The following TPST1 variants were observed in gnomAD, a reference collection of about 807,000 sequenced individuals.
The protein encoded by TPST1 is tyrosylprotein sulfotransferase 1, also known as protein-tyrosine sulfotransferase 1.
Under a neutral mutation model 34.8 loss-of-function variants are expected in TPST1, and 20 were observed. The ratio of observed to expected loss-of-function variants is 0.57; its 90% CI spans 0.40 to 0.84. The LOEUF (loss-of-function observed/expected upper bound fraction) is 0.84, where lower values mean the gene tolerates loss of function less well. Among genes scored for constraint, TPST1 ranks in the 40% least tolerant of loss-of-function variants. The pLI is 0.00. For synonymous variants in TPST1, 152 were observed against 159.4 expected, an observed-to-expected ratio of 0.95 and a Z score of 0.35; for missense variants, 353 against 455.5, an observed-to-expected ratio of 0.78 and a Z score of 2.05.
At chr7:66,222,599 G>A (rs1013557911) in intron 1 of TPST1, among the ~76,000 whole-genome samples, 2 of 152,142 alleles carry the variant, frequency 1.3e-5, no homozygotes, top group African/African-American at 4.8e-5. Context: ...AAGGCAGTCA[G>A]GGACAGGTTG....
intron 1 of TPST1, among the ~76,000 whole-genome samples, chr7:66,239,460 A>C (rs1256198161): frequency 6.6e-6 from 1 of 152,216 alleles, no homozygotes; most frequent in Non-Finnish European, 1.5e-5. Context: ...AAGTTACTAT[A>C]CTGTTTTCCT....
intron 1 of TPST1, among the ~76,000 whole-genome samples, chr7:66,225,987 C>T (rs1053988144): frequency 3.9e-5 from 6 of 151,962 alleles, no homozygotes; most frequent in Non-Finnish European, 7.4e-5. Context: ...CCCAGGTTCA[C>T]GCCATTCTCC....
chr7:66,325,317 A>G (rs1791842252), intron 3 of TPST1, among the ~76,000 whole-genome samples: 3 of 152,142 alleles, frequency 2.0e-5, no homozygotes, highest in Admixed American at 2.0e-4. Flanking sequence ...TATGGGGATT[A>G]TAATTCAAGA....
Position 66,231,935 on chromosome 7 carries a change from G to A in TPST1, c.-101-8390G>A, listed in dbSNP as rs190984276. Among the ~76,000 whole-genome samples, 544 of 152,338 alleles carry A rather than the reference G, an allele frequency of 3.6e-3. 3 individuals carry two copies. The highest frequency in any genetic ancestry group is 0.012 in the African/African-American group (515 of 41,564). On this transcript the variant is annotated intron_variant, in intron 1 of 5. Transcript: ENST00000304842. ...CTTAACATCTTTAAGTGATAGAAGT[G>A]GATGCAAGGTTTATCCATGTTGTAG...
chr7:66,275,566 T>G (rs1041175469), intron 2 of TPST1, among the ~76,000 whole-genome samples: 2 of 152,204 alleles, frequency 1.3e-5, no homozygotes, highest in Non-Finnish European at 2.9e-5. Flanking sequence ...ATCTTGTCAT[T>G]TGCAACATCG....
intron 3 of TPST1, among the ~76,000 whole-genome samples, chr7:66,351,256 T>G (rs1792472784): frequency 6.6e-6 from 1 of 152,238 alleles, no homozygotes; most frequent in Non-Finnish European, 1.5e-5. Context: ...TTCATCTGTG[T>G]TGTTGCTAAT....
chr7:66,281,073 C>CT, intron 2 of TPST1, among the ~76,000 whole-genome samples: 1 of 152,260 alleles, frequency 6.6e-6, no homozygotes, highest in Non-Finnish European at 1.5e-5. Flanking sequence ...TTTTCTGTGT[C>CT]TATCGAGATG....
chr7:66,215,555 T>G (rs1204352091), intron 1 of TPST1, among the ~76,000 whole-genome samples: 1 of 151,270 alleles, frequency 6.6e-6, no homozygotes, highest in Non-Finnish European at 1.5e-5. Flanking sequence ...TTTGTATTTT[T>G]AGTAGAGATG....
rs756310098 is a variant in TPST1 at position 66,352,531 on chromosome 7, T to C, written c.1071T>C (p.Pro357=). ...TCTATAAGGGAGAATTCCAACTACC[T>C]GACTTTCTTAAAGAAAAACCACAGG... ...RRVYKGEFQL[P]DFLKEKPQTE... Residue 357 remains proline, a synonymous_variant, in exon 4 of 6, where the codon CCT becomes CCC. Coordinates refer to ENST00000304842, the MANE Select transcript of TPST1 (RefSeq NM_003596.4). The C allele has an allele frequency of 8.1e-6, 13 of 1,613,158 alleles. No individual in the cohort carries two copies. Among genetic ancestry groups the C allele is most frequent in the South Asian group, 1.1e-5 (1 of 90,888 alleles).
At chr7:66,329,225 A>G (rs1454129687) in intron 3 of TPST1, among the ~76,000 whole-genome samples, 1 of 152,102 alleles carries the variant, frequency 6.6e-6, no homozygotes, top group East Asian at 1.9e-4. Context: ...CACAAATGAC[A>G]TATTCCTTAT....
intron 1 of TPST1, among the ~76,000 whole-genome samples, chr7:66,228,868 C>T (rs1789718963): frequency 6.6e-6 from 1 of 152,052 alleles, no homozygotes; most frequent in Non-Finnish European, 1.5e-5. Flanking sequence ...CCTCCTTCCC[C>T]CAGTGTTTCC....
chr7:66,306,247 CA>C (rs1370604458), intron 3 of TPST1, among the ~76,000 whole-genome samples: 1 of 152,204 alleles, frequency 6.6e-6, no homozygotes, highest in African/African-American at 2.4e-5. Context: ...AGCAGGCAAT[CA>C]ACTCAGGTAG....
intron 3 of TPST1, among the ~76,000 whole-genome samples, chr7:66,319,021 T>C (rs1207867587): frequency 6.6e-6 from 1 of 152,220 alleles, no homozygotes; most frequent in Non-Finnish European, 1.5e-5. Context: ...TTTATATAAC[T>C]GTATTTTCCA....
chr7:66,281,108 C>G (rs1290076791), intron 2 of TPST1, among the ~76,000 whole-genome samples: 1 of 152,092 alleles, frequency 6.6e-6, no homozygotes, highest in Non-Finnish European at 1.5e-5. Flanking sequence ...GTCTTTAGTT[C>G]TGTTTATGTG....
chr7:66,320,340 C>T (rs562094870), intron 3 of TPST1, among the ~76,000 whole-genome samples: 5 of 150,732 alleles, frequency 3.3e-5, no homozygotes, highest in South Asian at 2.1e-4. Flanking sequence ...CTCCACCTCC[C>T]GGGTTCACTC....
At chr7:66,278,045 T>C (rs1398890352) in intron 2 of TPST1, among the ~76,000 whole-genome samples, 2 of 132,782 alleles carry the variant, frequency 1.5e-5, no homozygotes, top group Non-Finnish European at 3.0e-5. Context: ...CGTTGCAGTG[T>C]GCTGAGATTG....
chr7:66,308,570 G>A (rs929901678), intron 3 of TPST1, among the ~76,000 whole-genome samples: 8 of 152,102 alleles, frequency 5.3e-5, no homozygotes, highest in African/African-American at 1.4e-4. Context: ...CTACCTCTGC[G>A]TGTGCTTATA....
intron 1 of TPST1, among the ~76,000 whole-genome samples, chr7:66,228,504 G>T (rs114755398): frequency 1.3e-5 from 2 of 152,012 alleles, no homozygotes; most frequent in Non-Finnish European, 1.5e-5. Context: ...TATCATATAT[G>T]TAACCCCCTA....
At chr7:66,324,125 CTG>C (rs1189243630) in intron 3 of TPST1, among the ~76,000 whole-genome samples, 4 of 152,236 alleles carry the variant, frequency 2.6e-5, no homozygotes, top group Non-Finnish European at 5.9e-5. Context: ...CTTCAAGACA[CTG>C]TGCTGGGTGA....
Sources: gnomAD v4.1 joint callset for allele counts (sites outside exome capture counted in the v4.1 genomes callset) on GRCh38, gnomAD v4.1.1 for gene constraint, MANE v1.5 for transcripts, NCBI Gene and HGNC (gene_info 2026-07-23, HGNC 2026-07-21) for gene names.